The following PTPRC variants were observed in gnomAD, a reference collection of about 807,000 sequenced individuals.
The protein encoded by PTPRC is receptor-type tyrosine-protein phosphatase C.
A neutral mutation model predicts 155.9 loss-of-function variants in PTPRC; 44 were observed. That is an observed-to-expected ratio of 0.28 (90% CI 0.22 to 0.36). The LOEUF is 0.36. Among genes scored for constraint, PTPRC ranks in the 10% least tolerant of loss-of-function variants. PTPRC has a pLI of 1.00. For synonymous variants in PTPRC, 525 were observed against 533.1 expected, an observed-to-expected ratio of 0.98 and a Z score of 0.21; for missense variants, 1,401 against 1,564.6, an observed-to-expected ratio of 0.90 and a Z score of 1.76.
Position 198,756,250 on chromosome 1 carries a change from A to C in PTPRC, c.*69A>C. The stretch of plus-strand genomic sequence containing the variant: ...TATTTCTATTTTTGTAGAAGTAGGA[A>C]GTGAAAATAGGTATACAGTGGATTA... On this transcript the variant is annotated 3_prime_UTR_variant, in exon 33 of 33. Coordinates refer to ENST00000442510, the MANE Select transcript of PTPRC (RefSeq NM_002838.5). The C allele has an allele frequency of 1.3e-6, 2 of 1,574,690 alleles. No homozygotes were observed. The highest frequency in any genetic ancestry group is 8.7e-7 in the Non-Finnish European group (1 of 1,150,268).
chr1:198,639,194 T>A, intron 1 of PTPRC, 32 bp from the exon 2 acceptor site: 1 of 1,222,102 alleles, frequency 8.2e-7, no homozygotes, highest in Non-Finnish European at 1.2e-6. Context: ...GAGAAAAACT[T>A]CTACAGAGAT....
chr1:198,674,580 T>C (rs1212186204), intron 2 of PTPRC, among the ~76,000 whole-genome samples: 1 of 149,152 alleles, frequency 6.7e-6, no homozygotes, highest in Non-Finnish European at 1.5e-5. Context: ...AATTATAACA[T>C]AATAACTGGG....
At chr1:198,672,783 C>T (rs1664722675) in intron 2 of PTPRC, among the ~76,000 whole-genome samples, 1 of 152,052 alleles carries the variant, frequency 6.6e-6, no homozygotes, top group African/African-American at 2.4e-5. Flanking sequence ...TGCCCAGCAC[C>T]ATTTTAACTG....
chr1:198,734,738 T>C (rs1011842990), intron 22 of PTPRC, among the ~76,000 whole-genome samples: 1 of 151,750 alleles, frequency 6.6e-6, no homozygotes, highest in Non-Finnish European at 1.5e-5. Flanking sequence ...AAGACCTTAA[T>C]ACTCGAAACA....
chr1:198,741,433 A>G (rs951238952), intron 23 of PTPRC, among the ~76,000 whole-genome samples: 2 of 151,842 alleles, frequency 1.3e-5, no homozygotes, highest in East Asian at 3.9e-4. Context: ...TATCAAGCAG[A>G]AGTATTTTAA....
At chr1:198,725,868 T>G (rs181131950) in intron 15 of PTPRC, among the ~76,000 whole-genome samples, 1 of 152,336 alleles carries the variant, frequency 6.6e-6, no homozygotes, top group Non-Finnish European at 1.5e-5. Context: ...GGCTGTGGCC[T>G]CCTTTCTTTT....
At chr1:198,652,449 G>A (rs184476144) in intron 2 of PTPRC, among the ~76,000 whole-genome samples, 3 of 151,820 alleles carry the variant, frequency 2.0e-5, no homozygotes, top group Admixed American at 6.6e-5. Context: ...GAATAATCTA[G>A]TTGTGTGTAA....
chr1:198,719,075 T>A (rs1024349374), intron 14 of PTPRC, among the ~76,000 whole-genome samples: 9 of 152,152 alleles, frequency 5.9e-5, no homozygotes, highest in African/African-American at 1.7e-4. Context: ...TCTTTAATAA[T>A]TTATGTTTCA....
rs575318196 is a variant in PTPRC, at chr1:198,728,437, G to A, written c.1818G>A (p.Lys606=). 148 of 1,612,230 alleles carry A rather than the reference G, an allele frequency of 9.2e-5. No individual in the cohort carries two copies. In the South Asian group the frequency reaches 1.2e-3, roughly 13 times the overall value. ...TCTACAAAATCTATGATCTACATAA[G>A]AAAAGATCCTGGTAAGAGTTGATTT... The part of the protein sequence containing the change: ...VVLYKIYDLH[K]KRSCNLDEQQ... The change falls in exon 16 of 33, where the codon AAG becomes AAA. Residue 606 remains lysine (K), a synonymous_variant. Transcript: ENST00000442510.
chr1:198,698,282 T>G (rs1666302505), intron 4 of PTPRC, among the ~76,000 whole-genome samples: 2 of 152,208 alleles, frequency 1.3e-5, no homozygotes, highest in African/African-American at 4.8e-5. Context: ...GATGAATAAT[T>G]TTAAAATACT....
chr1:198,675,408 A>G (rs889871085), intron 2 of PTPRC, among the ~76,000 whole-genome samples: 1 of 152,190 alleles, frequency 6.6e-6, no homozygotes, highest in Admixed American at 6.5e-5. Flanking sequence ...TTATTCTTTT[A>G]AAAAGCATAT....
chr1:198,695,463 C>T (rs906213551), intron 3 of PTPRC, among the ~76,000 whole-genome samples: 3 of 145,872 alleles, frequency 2.1e-5, no homozygotes, highest in Non-Finnish European at 3.0e-5. Context: ...ATAATTCCAA[C>T]CTCCAGAGAT....
chr1:198,719,316 TTG>T (rs1340902583), intron 14 of PTPRC, among the ~76,000 whole-genome samples: 1 of 152,120 alleles, frequency 6.6e-6, no homozygotes, highest in African/African-American at 2.4e-5. Flanking sequence ...TTATTGTTCT[TTG>T]TGTTATTCTT....
chr1:198,687,088 C>G (rs1050746763), intron 2 of PTPRC, among the ~76,000 whole-genome samples: 1 of 152,160 alleles, frequency 6.6e-6, no homozygotes, highest in African/African-American at 2.4e-5. Flanking sequence ...TCACTACAGC[C>G]TCAACACACA....
chr1:198,699,453 A>C, intron 4 of PTPRC, 111 bp from the exon 5 acceptor site: 1 of 1,269,714 alleles, frequency 7.9e-7, no homozygotes. Flanking sequence ...AGATTCAGTT[A>C]CTTCACAGTT....
chr1:198,699,747 G>A (rs1291797977), intron 5 of PTPRC, 43 bp downstream of exon 5: 3 of 1,610,448 alleles, frequency 1.9e-6, no homozygotes, highest in East Asian at 2.2e-5. Flanking sequence ...AAAAGTACAT[G>A]ACGACTACCT....
chr1:198,701,281 T>C (rs1031481530), intron 5 of PTPRC, among the ~76,000 whole-genome samples: 2 of 152,234 alleles, frequency 1.3e-5, no homozygotes, highest in East Asian at 3.8e-4. Context: ...AATTATAGAC[T>C]GTACTGCATT....
At chr1:198,745,595 A>G (rs964602643) in intron 26 of PTPRC, among the ~76,000 whole-genome samples, 2 of 151,802 alleles carry the variant, frequency 1.3e-5, no homozygotes, top group African/African-American at 4.8e-5. Flanking sequence ...AGAAGTTATC[A>G]TTTGATCACC....
rs1655345063 is a variant in PTPRC, at chr1:198,750,740, A to T, written c.3207+114A>T. On this transcript the variant is annotated intron_variant, in intron 29 of 32. Coordinates refer to ENST00000442510, the MANE Select transcript of PTPRC (RefSeq NM_002838.5). Reference sequence around the variant, plus strand: ...ACGTCTTTTTTTATCCCTCCATCACATAATTCTGTCTGCTCAGTCTTACCC... The same window carrying T: ...ACGTCTTTTTTTATCCCTCCATCACTTAATTCTGTCTGCTCAGTCTTACCC... 1.1e-5 allele frequency: 15 copies of T among 1,344,144 alleles called. No individual in the cohort carries two copies. In the South Asian group the frequency reaches 1.6e-4, roughly 15 times the overall value. The allele number at this position is 1,344,144 out of a possible 1,614,324, so 83.3% of individuals were successfully genotyped here.
Sources: allele counts gnomAD v4.1 joint callset (sites outside exome capture counted in the v4.1 genomes callset), GRCh38; gene constraint gnomAD v4.1.1; transcripts MANE v1.5; gene names NCBI Gene and HGNC (gene_info 2026-07-23, HGNC 2026-07-21).